The following DPP6 variants were observed in gnomAD, a reference collection of about 807,000 sequenced individuals.
The protein encoded by DPP6 is A-type potassium channel modulatory protein DPP6.
Under a neutral mutation model 122.6 loss-of-function variants are expected in DPP6, and 69 were observed. The ratio of observed to expected loss-of-function variants is 0.56; its 90% CI spans 0.46 to 0.69. DPP6 has a LOEUF of 0.69. DPP6 is among the 30% of genes least tolerant of loss of function. DPP6 has a pLI of 0.00. For missense variants in DPP6, 928 were observed against 1,116.9 expected (o/e 0.83, Z 2.41); for synonymous variants, 418 against 433.1 (o/e 0.97, Z 0.43).
At chr7:154,829,409 GGGAGAGGA>G (rs1182984103) in intron 16 of DPP6, among the ~76,000 whole-genome samples, 13 of 142,494 alleles carry the variant, frequency 9.1e-5, no homozygotes, top group Non-Finnish European at 1.4e-4. Context: ...AGAGAAGAGG[GGGAGAGGA>G]GGAGAGGAGG....
intron 1 of DPP6, among the ~76,000 whole-genome samples, chr7:154,097,253 C>G (rs1369426594): frequency 6.6e-6 from 1 of 152,264 alleles, no homozygotes; most frequent in East Asian, 1.9e-4. Flanking sequence ...CAGGGTCCTA[C>G]AAACACCCTC....
At chr7:154,509,362 A>G (rs533641092) in intron 3 of DPP6, among the ~76,000 whole-genome samples, 12 of 152,240 alleles carry the variant, frequency 7.9e-5, no homozygotes, top group Admixed American at 3.9e-4. Flanking sequence ...ACAAATAGCA[A>G]TATGTACATG....
At chr7:153,872,931 G>T in the DPP6 span, among the ~76,000 whole-genome samples, 1 of 152,166 alleles carries the variant, frequency 6.6e-6, no homozygotes, top group Admixed American at 6.5e-5. Context: ...CAGCTAGATG[G>T]CTGTCTTTAG....
chr7:153,863,578 A>T, the DPP6 span, among the ~76,000 whole-genome samples: 13 of 152,224 alleles, frequency 8.5e-5, no homozygotes, highest in Non-Finnish European at 1.3e-4. Flanking sequence ...TCTCTAAAGA[A>T]ATTTAAATGA....
intron 1 of DPP6, among the ~76,000 whole-genome samples, chr7:153,931,154 A>T (rs907847254): frequency 6.6e-6 from 1 of 152,206 alleles, no homozygotes; most frequent in African/African-American, 2.4e-5. Context: ...GTGTACTTGC[A>T]GCTTTCCCAT....
At chr7:154,010,327 C>A (rs1378368299) in intron 1 of DPP6, among the ~76,000 whole-genome samples, 2 of 152,240 alleles carry the variant, frequency 1.3e-5, no homozygotes, top group African/African-American at 4.8e-5. Flanking sequence ...TAGACACATA[C>A]AACGGAAGCC....
chr7:154,686,254 C>T (rs969287714), intron 7 of DPP6, among the ~76,000 whole-genome samples: 1 of 152,154 alleles, frequency 6.6e-6, no homozygotes, highest in African/African-American at 2.4e-5. Context: ...TTCCTTTGGA[C>T]CGAACTCTTA....
chr7:154,256,114 A>G (rs1477625782), intron 1 of DPP6, among the ~76,000 whole-genome samples: 1 of 152,236 alleles, frequency 6.6e-6, no homozygotes, highest in Non-Finnish European at 1.5e-5. Context: ...GATATATTCC[A>G]CTGTAGACTC....
chr7:154,441,307 C>T (rs1461593754), intron 1 of DPP6, among the ~76,000 whole-genome samples: 1 of 152,184 alleles, frequency 6.6e-6, no homozygotes, highest in Non-Finnish European at 1.5e-5. Flanking sequence ...CGAGTTCTTT[C>T]TCTATTACAT....
intron 1 of DPP6, among the ~76,000 whole-genome samples, chr7:154,065,020 C>G (rs1166483191): frequency 6.6e-6 from 1 of 152,244 alleles, no homozygotes; most frequent in African/African-American, 2.4e-5. Flanking sequence ...AGGTCCCATT[C>G]TAATGCTGTC....
Position 154,631,318 on chromosome 7 carries a change from G to A in DPP6, c.628-6503G>A, listed in dbSNP as rs77913948. Reference sequence around the variant, plus strand: ...AGAGCAGGTCCTGGAATCAGGAAAGGGGAACAGCTCCTGTTGCCTTCATCA... The same window carrying A: ...AGAGCAGGTCCTGGAATCAGGAAAGAGGAACAGCTCCTGTTGCCTTCATCA... On this transcript the variant is annotated intron_variant, in intron 5 of 25. Coordinates refer to ENST00000377770, the MANE Select transcript of DPP6 (RefSeq NM_130797.4). Among the ~76,000 whole-genome samples, 834 of 152,348 alleles carry A rather than the reference G, an allele frequency of 5.5e-3. 10 individuals are homozygous for A. Among genetic ancestry groups the A allele is most frequent in the African/African-American group, 0.019 (782 of 41,560 alleles).
intron 1 of DPP6, among the ~76,000 whole-genome samples, chr7:153,936,119 A>G (rs1222740246): frequency 6.6e-6 from 1 of 152,178 alleles, no homozygotes; most frequent in African/African-American, 2.4e-5. Flanking sequence ...CTGCGCTCTA[A>G]TACTCCCTAG....
intron 2 of DPP6, among the ~76,000 whole-genome samples, chr7:154,446,874 G>A (rs1470031320): frequency 1.3e-5 from 2 of 152,198 alleles, no homozygotes; most frequent in Non-Finnish European, 2.9e-5. Context: ...TATTGGAGTT[G>A]AGAGGAGAAA....
intron 1 of DPP6, among the ~76,000 whole-genome samples, chr7:154,235,737 A>G (rs1801174226): frequency 6.6e-6 from 1 of 152,220 alleles, no homozygotes; most frequent in Non-Finnish European, 1.5e-5. Flanking sequence ...GTGATAATTA[A>G]AAGTGTGAGC....
chr7:154,492,916 CA>C (rs1287130971), intron 3 of DPP6, among the ~76,000 whole-genome samples: 1 of 152,098 alleles, frequency 6.6e-6, no homozygotes, highest in Non-Finnish European at 1.5e-5. Context: ...TAAACGAGTC[CA>C]GAACTAAGAT....
chr7:154,844,693 G>A (rs756632929), intron 16 of DPP6, among the ~76,000 whole-genome samples: 11 of 152,150 alleles, frequency 7.2e-5, no homozygotes, highest in Admixed American at 3.3e-4. Context: ...CTGCAGAGCC[G>A]ACCTCAGACC....
Position 154,769,427 on chromosome 7 carries a change from G to T in DPP6, c.894G>T (p.Leu298Phe). 6.2e-7 allele frequency: 1 copy of T among 1,613,338 alleles called. No homozygotes were observed. The highest frequency in any genetic ancestry group is 8.5e-7 in the Non-Finnish European group (1 of 1,179,724). The change falls in exon 9 of 26, where the codon TTG becomes TTT. Residue 298 changes from leucine to phenylalanine, a missense_variant. Coordinates refer to ENST00000377770, the MANE Select transcript of DPP6 (RefSeq NM_130797.4). ...LSDWLYEEEILKTHIAHWWSP... is the reference protein window; with the variant it reads ...LSDWLYEEEIFKTHIAHWWSP... ...TCTGTTTTCCCTTAGAGGAGATTTT[G>T]AAGACACACATCGCACACTGGTGGT...
intron 7 of DPP6, among the ~76,000 whole-genome samples, chr7:154,725,569 C>T (rs573791462): frequency 6.6e-6 from 1 of 152,246 alleles, no homozygotes; most frequent in South Asian, 2.1e-4. Context: ...CCCCATGATC[C>T]ATTCACCTCC....
At chr7:153,900,780 C>T (rs1799612393) in intron 1 of DPP6, among the ~76,000 whole-genome samples, 1 of 152,130 alleles carries the variant, frequency 6.6e-6, no homozygotes, top group African/African-American at 2.4e-5. Flanking sequence ...GCTGAAAGTG[C>T]CATGTCTTAT....
Sources: allele counts gnomAD v4.1 joint callset (sites outside exome capture counted in the v4.1 genomes callset), GRCh38; gene constraint gnomAD v4.1.1; transcripts MANE v1.5; gene names NCBI Gene and HGNC (gene_info 2026-07-23, HGNC 2026-07-21).